METTL6: variants seen among roughly 807,000 people sequenced by gnomAD.
METTL6 encodes methyltransferase 6, tRNA N3-cytidine, also known as tRNA N(3)-cytidine methyltransferase METTL6.
Under a neutral mutation model 26.4 loss-of-function variants are expected in METTL6, and 22 were observed. The observed-to-expected ratio is 0.83, with a 90% CI of 0.59 to 1.19. METTL6 has a LOEUF of 1.19. Ranked by LOEUF, METTL6 falls within the 50% of genes most tolerant of loss-of-function variation. METTL6 has a pLI of 0.00. For missense variants in METTL6, 304 were observed against 324.8 expected (o/e 0.94, Z 0.49); for synonymous variants, 109 against 116.2 (o/e 0.94, Z 0.40).
chr3:15,427,640 C>T (rs1320745011), upstream of METTL6: 11 of 829,478 alleles, frequency 1.3e-5, no homozygotes, highest in East Asian at 1.1e-4. Context: ...CTTCTGGACC[C>T]GGGTGGGTGC....
chr3:15,424,744 G>A (rs1181897953), intron 3 of METTL6, among the ~76,000 whole-genome samples: 1 of 152,178 alleles, frequency 6.6e-6, no homozygotes, highest in African/African-American at 2.4e-5. Context: ...TTATATGGAT[G>A]TTATTATGGT....
rs111845090 is a variant in METTL6, at chr3:15,410,849, C to T, written c.*407G>A. Among the ~76,000 whole-genome samples, 31 of 152,118 alleles carry T rather than the reference C, an allele frequency of 2.0e-4. No homozygotes were observed. The highest frequency in any genetic ancestry group is 3.4e-4 in the African/African-American group (14 of 41,502). The stretch of plus-strand genomic sequence containing the variant: ...TCACACACCACTGCACTCCAGCCTG[C>T]GTACCACAAGATCCTGTCTCAAAAA... On this transcript the variant is annotated 3_prime_UTR_variant, in exon 6 of 6. Coordinates refer to ENST00000383790, the MANE Select transcript of METTL6 (RefSeq NM_152396.4).
chr3:15,426,549 T>G lies in METTL6; in HGVS notation c.-38A>C, dbSNP rs763601038. The G allele has an allele frequency of 7.0e-6, 11 of 1,570,546 alleles. No individual in the cohort carries two copies. The highest frequency in any genetic ancestry group is 6.8e-5 in the African/African-American group (5 of 73,652). ...CGGTAACACTTAACACAGCTGAAGA[T>G]TCTCCATCACCAAATAATATGAATC... is the stretch of plus-strand genomic sequence containing the variant. On this transcript the variant is annotated 5_prime_UTR_variant, in exon 2 of 6. Coordinates refer to ENST00000383790, the MANE Select transcript of METTL6 (RefSeq NM_152396.4).
rs185750380 is a variant in METTL6, at chr3:15,413,648, G to A, written c.673+373C>T. Reference sequence around the variant, plus strand: ...AAAAGGTTTCCTGACTTTGTGCCATGGGAAAGTAATCTCAAGGCATTATAC... The same window carrying A: ...AAAAGGTTTCCTGACTTTGTGCCATAGGAAAGTAATCTCAAGGCATTATAC... On this transcript the variant is annotated intron_variant, in intron 5 of 5. Transcript: ENST00000383790. 167 of 1,181,530 alleles carry A rather than the reference G, an allele frequency of 1.4e-4. No homozygotes were observed. In the African/African-American group the frequency reaches 2.6e-3, roughly 18 times the overall value. The allele number at this position is 1,181,530 out of a possible 1,614,324, so 73.2% of individuals were successfully genotyped here.
chr3:15,414,147 T>G lies in METTL6; in HGVS notation c.547A>C (p.Lys183Gln), dbSNP rs369959183. 2.7e-5 allele frequency: 43 copies of G among 1,612,636 alleles called. No individual in the cohort carries two copies. In the African/African-American group the frequency reaches 5.5e-4, roughly 21 times the overall value. ...CCGTAGTCACGAAACAAGACACTTT[T>G]GCCTGGTTTTAATACCTATGAAACA... is the stretch of plus-strand genomic sequence containing the variant. ...QNIYKVLKPG[K>Q]SVLFRDYGLY... The change falls in exon 5 of 6, where the codon AAA (lysine) becomes CAA (glutamine). Residue 183 changes from lysine (K) to glutamine (Q), a missense_variant. By Grantham distance (53) the Lys-to-Gln change is moderately conservative. Coordinates refer to ENST00000383790, the MANE Select transcript of METTL6 (RefSeq NM_152396.4).
intron 4 of METTL6, chr3:15,414,944 G>C (rs1700132003): frequency 8.8e-7 from 1 of 1,139,002 alleles, no homozygotes. Context: ...ATAAGTGTTA[G>C]AGACAATAAA....
chr3:15,415,510 C>A lies in METTL6; in HGVS notation c.531+262G>T, dbSNP rs765908150. On this transcript the variant is annotated intron_variant, in intron 4 of 5. Transcript: ENST00000383790. The stretch of plus-strand genomic sequence containing the variant: ...TAACTCCTCTCACCTTATAGCAGGA[C>A]TCCATGGATCCCAGGTAACTGCAAA... 3.8e-6 allele frequency: 6 copies of A among 1,594,264 alleles called. No individual in the cohort carries two copies. In the South Asian group the frequency reaches 6.7e-5, roughly 18 times the overall value.
intron 3 of METTL6, among the ~76,000 whole-genome samples, chr3:15,416,250 CTTCT>C (rs1700201400): frequency 6.6e-6 from 1 of 151,958 alleles, no homozygotes; most frequent in Non-Finnish European, 1.5e-5. Context: ...CTGGCCTCTG[CTTCT>C]TTTTGTTTTT....
At position 15,414,804 on chromosome 3, in the gene METTL6, C is replaced by T. The variant is rs558108494; in HGVS notation, c.532-642G>A. On this transcript the variant is annotated intron_variant, in intron 4 of 5. Coordinates refer to ENST00000383790, the MANE Select transcript of METTL6 (RefSeq NM_152396.4). Reference sequence around the variant, plus strand: ...TGGATCTGGTAGTGCGTCCTGTAGTCCCAACTACTTCAGAGGCTGAGGTGG... The same window carrying T: ...TGGATCTGGTAGTGCGTCCTGTAGTTCCAACTACTTCAGAGGCTGAGGTGG... 9.4e-4 allele frequency: 431 copies of T among 460,714 alleles called. 1 individual carries two copies. The highest frequency in any genetic ancestry group is 1.6e-3 in the Non-Finnish European group (377 of 234,636). 28.5% of individuals were successfully genotyped at this position (460,714 alleles called of 1,614,324 possible). A position where few individuals can be genotyped will look rare whatever the true frequency, so the allele number is the denominator to read the frequency against.
chr3:15,424,478 G>A (rs1448437586), intron 3 of METTL6, among the ~76,000 whole-genome samples: 1 of 152,168 alleles, frequency 6.6e-6, no homozygotes, highest in Non-Finnish European at 1.5e-5. Context: ...TGTTGCCCAG[G>A]CTGGTCTTGA....
intron 6 of METTL6, among the ~76,000 whole-genome samples, chr3:15,402,302 G>A (rs1425105112): frequency 6.6e-6 from 1 of 152,324 alleles, no homozygotes; most frequent in Admixed American, 6.5e-5. Context: ...GTGGGCAGCA[G>A]GGCTAGGGAA....
intron 6 of METTL6, among the ~76,000 whole-genome samples, chr3:15,392,652 C>G (rs2124906692): frequency 6.6e-6 from 1 of 152,284 alleles, no homozygotes; most frequent in Admixed American, 6.5e-5. Context: ...AATCTTTAAT[C>G]CATCTTGAAT....
At chr3:15,387,258 C>A (rs1699224966) in intron 6 of METTL6, among the ~76,000 whole-genome samples, 1 of 152,212 alleles carries the variant, frequency 6.6e-6, no homozygotes, top group Non-Finnish European at 1.5e-5. Flanking sequence ...CTCATGTCTG[C>A]CTAACTACCG....
chr3:15,381,443 T>C (rs1319379989), exon 7 of METTL6: 1 of 152,104 alleles, frequency 6.6e-6, no homozygotes, highest in Non-Finnish European at 1.5e-5. Context: ...AGTGATCACA[T>C]CTGGGTGGTG....
At chr3:15,385,871 A>G (rs990761383) in intron 6 of METTL6, among the ~76,000 whole-genome samples, 7 of 152,184 alleles carry the variant, frequency 4.6e-5, no homozygotes, top group Non-Finnish European at 7.3e-5. Context: ...GTGAACCAAT[A>G]AAAAAGAGCT....
At chr3:15,393,940 A>G (rs1699417408) in intron 6 of METTL6, among the ~76,000 whole-genome samples, 1 of 152,080 alleles carries the variant, frequency 6.6e-6, no homozygotes, top group Non-Finnish European at 1.5e-5. Context: ...TTCATCAGGG[A>G]TATTGGTCTA....
downstream of METTL6, among the ~76,000 whole-genome samples, chr3:15,405,210 T>C (rs1699752905): frequency 6.6e-6 from 1 of 152,236 alleles, no homozygotes; most frequent in Non-Finnish European, 1.5e-5. Flanking sequence ...CACGTATTTA[T>C]GCTCCCCAGT....
chr3:15,400,594 A>G (rs1442012627), intron 6 of METTL6, among the ~76,000 whole-genome samples: 2 of 152,204 alleles, frequency 1.3e-5, no homozygotes, highest in Non-Finnish European at 2.9e-5. Flanking sequence ...TTGAAATAGC[A>G]TTTCTAGTAG....
exon 7 of METTL6, chr3:15,383,646 T>A (rs1408002000): frequency 1.3e-5 from 2 of 152,246 alleles, no homozygotes; most frequent in African/African-American, 2.4e-5. Flanking sequence ...AATGTATACA[T>A]CTATTACTAT....
Sources: gnomAD v4.1 joint callset for allele counts (sites outside exome capture counted in the v4.1 genomes callset) on GRCh38, gnomAD v4.1.1 for gene constraint, MANE v1.5 for transcripts, NCBI Gene and HGNC (gene_info 2026-07-23, HGNC 2026-07-21) for gene names.